The following INSL6 variants were observed in gnomAD, a reference collection of about 807,000 sequenced individuals.
INSL6 encodes insulin like 6.
A neutral mutation model predicts 9.4 loss-of-function variants in INSL6; 16 were observed. That is an observed-to-expected ratio of 1.70 (90% CI 1.15 to 2.59). The LOEUF (loss-of-function observed/expected upper bound fraction) is 2.59, where lower values mean the gene tolerates loss of function less well. INSL6 is among the 30% of genes most tolerant of loss of function. The pLI is 0.00. For missense variants in INSL6, 391 were observed against 257.3 expected (o/e 1.52, Z -3.56); for synonymous variants, 154 against 96.9 (o/e 1.59, Z -3.46).
intron 3 of INSL6, chr9:5,126,899 T>C (rs1431458173): frequency 3.6e-6 from 2 of 555,236 alleles, no homozygotes; most frequent in African/African-American, 2.0e-5. Context: ...TAAATCATGA[T>C]GCTAGCCAGC....
chr9:5,025,528 A>T, the INSL6 span, among the ~76,000 whole-genome samples: 2 of 137,286 alleles, frequency 1.5e-5, no homozygotes, highest in Non-Finnish European at 3.1e-5. Flanking sequence ...AAGTGGATAG[A>T]GTTTGTTTCC....
At chr9:5,072,232 A>G in the INSL6 span, among the ~76,000 whole-genome samples, 1 of 152,174 alleles carries the variant, frequency 6.6e-6, no homozygotes, top group Non-Finnish European at 1.5e-5. Context: ...AAAAGTGACA[A>G]TTATAGCCCA....
At chr9:5,042,945 C>A in the INSL6 span, among the ~76,000 whole-genome samples, 1 of 152,230 alleles carries the variant, frequency 6.6e-6, no homozygotes, top group Non-Finnish European at 1.5e-5. Context: ...CTTCTCGAGG[C>A]ACCTGTTCCC....
chr9:5,152,736 G>A (rs536709893), intron 2 of INSL6, among the ~76,000 whole-genome samples: 242 of 152,292 alleles, frequency 1.6e-3, no homozygotes, highest in African/African-American at 5.7e-3. Context: ...GTGATGATCT[G>A]AAAAGACCAA....
intron 2 of INSL6, among the ~76,000 whole-genome samples, chr9:5,138,047 A>C (rs1253219923): frequency 6.6e-6 from 1 of 152,224 alleles, no homozygotes; most frequent in Non-Finnish European, 1.5e-5. Context: ...ATCTCATGCC[A>C]GTTAGAATGG....
At chr9:5,042,148 T>G in the INSL6 span, among the ~76,000 whole-genome samples, 2 of 122,454 alleles carry the variant, frequency 1.6e-5, no homozygotes. Flanking sequence ...TTTTTTTTTT[T>G]GAGACGGAGT....
chr9:5,124,478 C>T (rs1033414086), exon 4 of INSL6, among the ~76,000 whole-genome samples: 1 of 151,666 alleles, frequency 6.6e-6, no homozygotes, highest in African/African-American at 2.4e-5. Flanking sequence ...CTTTCCCATA[C>T]TGCGCAAAGC....
chr9:5,067,052 G>A, the INSL6 span, among the ~76,000 whole-genome samples: 1 of 152,002 alleles, frequency 6.6e-6, no homozygotes, highest in Non-Finnish European at 1.5e-5. Flanking sequence ...GGTGTTACCA[G>A]TGTGTTAAAA....
At chr9:5,061,243 C>A in the INSL6 span, among the ~76,000 whole-genome samples, 1 of 152,214 alleles carries the variant, frequency 6.6e-6, no homozygotes, top group Non-Finnish European at 1.5e-5. Flanking sequence ...GGCATAGGCC[C>A]TTAGCAAGAG....
chr9:5,180,430 G>T (rs1286213000), intron 1 of INSL6, among the ~76,000 whole-genome samples: 1 of 152,194 alleles, frequency 6.6e-6, no homozygotes, highest in Non-Finnish European at 1.5e-5. Flanking sequence ...CTTGCAGAGA[G>T]GCTATAAACG....
chr9:5,068,539 A>G, the INSL6 span, among the ~76,000 whole-genome samples: 1 of 152,200 alleles, frequency 6.6e-6, no homozygotes, highest in African/African-American at 2.4e-5. Flanking sequence ...GTGGGTATAC[A>G]TTCTTAGGTA....
At chr9:5,134,645 T>C (rs1824356398) in intron 2 of INSL6, among the ~76,000 whole-genome samples, 1 of 152,050 alleles carries the variant, frequency 6.6e-6, no homozygotes. Flanking sequence ...TGCTGAGAGA[T>C]TTTGTCACCA....
chr9:5,095,207 G>C, the INSL6 span, among the ~76,000 whole-genome samples: 3 of 151,974 alleles, frequency 2.0e-5, no homozygotes, highest in Admixed American at 6.6e-5. Context: ...GAAAATGTTG[G>C]TTATACCCTT....
intron 1 of INSL6, among the ~76,000 whole-genome samples, chr9:5,184,543 C>A (rs1825527257): frequency 6.6e-6 from 1 of 152,160 alleles, no homozygotes; most frequent in Non-Finnish European, 1.5e-5. Flanking sequence ...ATCTGCTAAG[C>A]ATTTCAGACA....
the INSL6 span, among the ~76,000 whole-genome samples, chr9:5,019,357 C>A: frequency 2.0e-5 from 3 of 151,950 alleles, no homozygotes; most frequent in African/African-American, 7.2e-5. Flanking sequence ...TAAATGAATT[C>A]TTCAGTTTCA....
chr9:5,035,201 C>T, the INSL6 span, among the ~76,000 whole-genome samples: 1 of 152,230 alleles, frequency 6.6e-6, no homozygotes, highest in East Asian at 1.9e-4. Flanking sequence ...TGAATCTCTG[C>T]ATAGACCAAT....
At chr9:5,119,674 C>G (rs1217404280), downstream of INSL6, among the ~76,000 whole-genome samples, 1 of 152,074 alleles carries the variant, frequency 6.6e-6, no homozygotes. Context: ...GTCATTCCTT[C>G]AGTAAATGTG....
chr9:5,112,856 C>A, the INSL6 span: 2 of 473,470 alleles, frequency 4.2e-6, no homozygotes, highest in Non-Finnish European at 6.9e-6. Context: ...GTGAAAGGTA[C>A]GCCTCCGTGG....
the INSL6 span, chr9:5,054,902 G>C: frequency 6.7e-7 from 1 of 1,499,896 alleles, no homozygotes; most frequent in Non-Finnish European, 9.0e-7. This position sits in a 1 kb window ranked among gnomAD's most constrained non-coding sequence, Gnocchi z 4.9. Context: ...TTAATGATAT[G>C]TTCTTGTTCT....
Sources: gnomAD v4.1 joint callset for allele counts (sites outside exome capture counted in the v4.1 genomes callset) on GRCh38, gnomAD v4.1.1 for gene constraint, Gnocchi (gnomAD v3.1) non-coding constraint, MANE v1.5 for transcripts, NCBI Gene and HGNC (gene_info 2026-07-23, HGNC 2026-07-21) for gene names.